The following CA12 variants were observed in gnomAD, a reference collection of about 807,000 sequenced individuals.
CA12 encodes carbonate dehydratase XII.
Under a neutral mutation model 46.8 loss-of-function variants are expected in CA12, and 36 were observed. The observed-to-expected ratio is 0.77, with a 90% CI of 0.59 to 1.02. The LOEUF (loss-of-function observed/expected upper bound fraction) is 1.02. Ranked by LOEUF, CA12 falls within the 50% of genes least tolerant of loss-of-function variation. The probability of loss-of-function intolerance (pLI) is 0.00; values close to 1 mark genes in which losing one functional copy is unlikely to be tolerated. For synonymous variants in CA12, 202 were observed against 187.0 expected, an observed-to-expected ratio of 1.08 and a Z score of -0.65; for missense variants, 436 against 451.4, an observed-to-expected ratio of 0.97 and a Z score of 0.31.
rs2038876119 is a variant in CA12, at chr15:63,327,038, T to C, written c.992+111A>G. ...TTGGGGACGGCCCTCCTAGGGTAAGTGGTGGTCCAGGTGACTGCGGCTCTT... is the reference window on the plus strand; with the variant it reads ...TTGGGGACGGCCCTCCTAGGGTAAGCGGTGGTCCAGGTGACTGCGGCTCTT... On this transcript the variant is annotated intron_variant, in intron 10 of 10. Coordinates refer to ENST00000178638, the MANE Select transcript of CA12 (RefSeq NM_001218.5). This position sits in a 1 kb window ranked among gnomAD's most constrained non-coding sequence, Gnocchi z 4.5. The C allele has an allele frequency of 3.2e-6, 3 of 936,072 alleles. No homozygotes were observed. Among genetic ancestry groups the C allele is most frequent in the Admixed American group, 1.9e-5 (1 of 52,628 alleles). The allele number at this position is 936,072 out of a possible 1,614,324, so 58.0% of individuals were successfully genotyped here.
chr15:63,376,922 T>G (rs189602380), intron 1 of CA12, among the ~76,000 whole-genome samples: 18 of 152,082 alleles, frequency 1.2e-4, no homozygotes. Context: ...GGATTACAGG[T>G]GTGAGCCACA....
chr15:63,332,237 G>A (rs928912376), intron 8 of CA12, among the ~76,000 whole-genome samples: 3 of 152,206 alleles, frequency 2.0e-5, no homozygotes, highest in African/African-American at 7.2e-5. Context: ...CAAGGAAGAT[G>A]CCCTCACCAC....
chr15:63,369,258 G>T (rs2039471409), intron 2 of CA12, among the ~76,000 whole-genome samples: 1 of 152,246 alleles, frequency 6.6e-6, no homozygotes, highest in African/African-American at 2.4e-5. Flanking sequence ...AAAGTGTGAA[G>T]AAGCAGAACC....
At chr15:63,359,885 C>T (rs1387426718) in intron 2 of CA12, among the ~76,000 whole-genome samples, 2 of 152,224 alleles carry the variant, frequency 1.3e-5, no homozygotes, top group Non-Finnish European at 2.9e-5. Context: ...CCACTCTCCA[C>T]AACAGTGCAC....
Position 63,373,416 on chromosome 15 carries a change from G to A in CA12, c.106+2242C>T, listed in dbSNP as rs559889168. ...TCACACAATGTCTCTGTTCCCTGTC[G>A]CCATCTCATTCTGCCCAGGAGGGCT... On this transcript the variant is annotated intron_variant, in intron 2 of 10. Coordinates refer to ENST00000178638, the MANE Select transcript of CA12 (RefSeq NM_001218.5). This position sits in a 1 kb window ranked among gnomAD's most constrained non-coding sequence, Gnocchi z 4.9. Among the ~76,000 whole-genome samples the A allele has an allele frequency of 2.6e-4, 39 of 151,860 alleles. No homozygotes were observed. Among genetic ancestry groups the A allele is most frequent in the East Asian group, 9.7e-4 (5 of 5,168 alleles).
chr15:63,355,263 AG>A lies in CA12; in HGVS notation c.107-8555del, dbSNP rs2039280225. Among the ~76,000 whole-genome samples, 1 of 152,130 alleles carries A rather than the reference AG, an allele frequency of 6.6e-6. No individual in the cohort carries two copies. The highest frequency in any genetic ancestry group is 2.1e-4 in the South Asian group (1 of 4,828). Reference sequence around the variant, plus strand: ...TGAAACACCCTCCCCTCGCTGGGGCAGGGCAAAGGGTTTCCCCCTCTTCTGT... The same window carrying A: ...TGAAACACCCTCCCCTCGCTGGGGCAGGCAAAGGGTTTCCCCCTCTTCTGT... On this transcript the variant is annotated intron_variant, in intron 2 of 10. Transcript: ENST00000178638. This position sits in a 1 kb window ranked among gnomAD's most constrained non-coding sequence, Gnocchi z 4.1.
chr15:63,381,520 T>C, intron 1 of CA12, 116 bp downstream of exon 1: 1 of 862,726 alleles, frequency 1.2e-6, no homozygotes, highest in Non-Finnish European at 1.9e-6. Context: ...TACTATTTGG[T>C]ACTACACCTT....
rs2039560856 is a variant in CA12 at position 63,375,662 on chromosome 15, A to G, written c.102T>C (p.Tyr34=). Residue 34 remains tyrosine, a synonymous_variant, in exon 2 of 11, where the codon TAT becomes TAC. Coordinates refer to ENST00000178638, the MANE Select transcript of CA12 (RefSeq NM_001218.5). ...PAPVNGSKWT[Y]FGPDGENSWS... ...GTATTTAAAATCTCTACTTACCAAAATAAGTCCACTTGGAACCTACAAAGA... is the reference window on the plus strand; with the variant it reads ...GTATTTAAAATCTCTACTTACCAAAGTAAGTCCACTTGGAACCTACAAAGA... The G allele has an allele frequency of 6.4e-7, 1 of 1,567,922 alleles. No homozygotes were observed. The highest frequency in any genetic ancestry group is 1.3e-5 in the African/African-American group (1 of 74,148).
chr15:63,328,458 C>T lies in CA12; in HGVS notation c.875-328G>A, dbSNP rs778472182. 2.6e-5 allele frequency among the ~76,000 whole-genome samples: 4 copies of T among 150,962 alleles called. No individual in the cohort carries two copies. The highest frequency in any genetic ancestry group is 4.9e-5 in the African/African-American group (2 of 40,974). On this transcript the variant is annotated intron_variant, in intron 8 of 10. Coordinates refer to ENST00000178638, the MANE Select transcript of CA12 (RefSeq NM_001218.5). The surrounding 1 kb of genome is among the most constrained non-coding windows in gnomAD (Gnocchi z 5.9). The stretch of plus-strand genomic sequence containing the variant: ...TTCAAGCAATTCTCTGCCTCAGTCT[C>T]CCAAGTAGCTGGGATTACAAGCACC...
At chr15:63,344,877 C>T (rs1318873878) in intron 4 of CA12, among the ~76,000 whole-genome samples, 1 of 152,112 alleles carries the variant, frequency 6.6e-6, no homozygotes, top group Non-Finnish European at 1.5e-5. Context: ...AGTAGCTTCT[C>T]AAGGCAACAT....
intron 2 of CA12, among the ~76,000 whole-genome samples, chr15:63,357,599 T>A (rs1336276918): frequency 2.0e-5 from 3 of 152,204 alleles, no homozygotes. Flanking sequence ...GTGGTTCTTG[T>A]GAGCAGAGTC....
intron 2 of CA12, among the ~76,000 whole-genome samples, chr15:63,375,173 TCATC>T (rs2039555286): frequency 6.6e-6 from 1 of 152,316 alleles, no homozygotes; most frequent in East Asian, 1.9e-4. Flanking sequence ...CAACACCTCT[TCATC>T]CATCGCTAGC....
chr15:63,360,030 T>C (rs776073014), intron 2 of CA12, among the ~76,000 whole-genome samples: 1 of 152,250 alleles, frequency 6.6e-6, no homozygotes, highest in Non-Finnish European at 1.5e-5. Context: ...ACTCATCACC[T>C]GTCCAAAAGT....
intron 1 of CA12, among the ~76,000 whole-genome samples, chr15:63,376,557 C>CCTTTCTT (rs2039574218): frequency 9.6e-6 from 1 of 104,526 alleles, no homozygotes; most frequent in African/African-American, 3.6e-5. Context: ...CTCTTTCTTT[C>CCTTTCTT]CTTTCTTTCT....
intron 2 of CA12, chr15:63,375,315 G>C (rs2039556735): frequency 8.7e-6 from 2 of 229,348 alleles, no homozygotes; most frequent in Non-Finnish European, 1.7e-5. Context: ...CTGCAAGGGA[G>C]AAAGGCTCTC....
chr15:63,328,181 G>A lies in CA12; in HGVS notation c.875-51C>T, dbSNP rs775278212. On this transcript the variant is annotated intron_variant, in intron 8 of 10. Coordinates refer to ENST00000178638, the MANE Select transcript of CA12 (RefSeq NM_001218.5). This position sits in a 1 kb window ranked among gnomAD's most constrained non-coding sequence, Gnocchi z 5.9. ...GGTTACTCTAGAGTCAAACCACACT[G>A]GATTTGAGCAGCGTGTTGAGAGACG... is the stretch of plus-strand genomic sequence containing the variant. 2 of 1,534,724 alleles carry A rather than the reference G, an allele frequency of 1.3e-6. No homozygotes were observed. Among genetic ancestry groups the A allele is most frequent in the Admixed American group, 3.3e-5 (2 of 59,870 alleles).
At chr15:63,381,341 C>T (rs1242623718) in intron 1 of CA12, among the ~76,000 whole-genome samples, 2 of 152,172 alleles carry the variant, frequency 1.3e-5, no homozygotes, top group East Asian at 3.9e-4. Flanking sequence ...CTTGGCTTTG[C>T]ATCTCCTCCC....
Position 63,330,047 on chromosome 15 carries a change from C to T in CA12, c.875-1917G>A, listed in dbSNP as rs1426214219. On this transcript the variant is annotated intron_variant, in intron 8 of 10. Transcript: ENST00000178638. This position sits in a 1 kb window ranked among gnomAD's most constrained non-coding sequence, Gnocchi z 4.0. ...CAGGGAGAAGAGCTGTCCCCAAGGACAGGGAAGCCTATTCTCCCTACTCTG... is the reference window on the plus strand; with the variant it reads ...CAGGGAGAAGAGCTGTCCCCAAGGATAGGGAAGCCTATTCTCCCTACTCTG... Among the ~76,000 whole-genome samples, 1 of 152,210 alleles carries T rather than the reference C, an allele frequency of 6.6e-6. No homozygotes were observed. The highest frequency in any genetic ancestry group is 1.5e-5 in the Non-Finnish European group (1 of 68,032).
At chr15:63,346,821 C>G (rs2039156532) in intron 2 of CA12, 112 bp from the exon 3 acceptor site, 1 of 1,222,056 alleles carries the variant, frequency 8.2e-7, no homozygotes, top group Admixed American at 1.9e-5. Flanking sequence ...TTCTGAATCC[C>G]CGGAGGTAAA....
Sources: allele counts gnomAD v4.1 joint callset (sites outside exome capture counted in the v4.1 genomes callset), GRCh38; gene constraint gnomAD v4.1.1; non-coding constraint Gnocchi (gnomAD v3.1); transcripts MANE v1.5; gene names NCBI Gene and HGNC (gene_info 2026-07-23, HGNC 2026-07-21).